Variants in PPP2R2C observed in about 807,000 individuals in gnomAD.
The protein encoded by PPP2R2C is protein phosphatase 2 regulatory subunit Bgamma.
Under a neutral mutation model 45.3 loss-of-function variants are expected in PPP2R2C, and 10 were observed. The ratio of observed to expected loss-of-function variants is 0.22; its 90% CI spans 0.14 to 0.37. The LOEUF (loss-of-function observed/expected upper bound fraction) is 0.37. PPP2R2C is among the 10% of genes least tolerant of loss of function. The probability of loss-of-function intolerance (pLI) is 1.00; values close to 1 mark genes in which losing one functional copy is unlikely to be tolerated. For synonymous variants in PPP2R2C, 257 were observed against 245.4 expected (o/e 1.05, Z -0.44); for missense variants, 308 against 619.7 (o/e 0.50, Z 5.34).
chr4:6,421,576 AC>A (rs1417964510), intron 1 of PPP2R2C, among the ~76,000 whole-genome samples: 2 of 152,160 alleles, frequency 1.3e-5, no homozygotes, highest in African/African-American at 4.8e-5. Context: ...AACGAAGCCC[AC>A]AGACCTGGCT....
intron 1 of PPP2R2C, among the ~76,000 whole-genome samples, chr4:6,468,956 C>T (rs1034440819): frequency 6.6e-6 from 1 of 151,786 alleles, no homozygotes; most frequent in Non-Finnish European, 1.5e-5. Flanking sequence ...TCTCCCCACA[C>T]CCTGACCCCA....
At chr4:6,372,807 G>T (rs1714962374) in intron 4 of PPP2R2C, 107 bp from the exon 5 acceptor site, 3 of 1,184,364 alleles carry the variant, frequency 2.5e-6, no homozygotes, top group Non-Finnish European at 3.7e-6. Flanking sequence ...CACAGGGGTG[G>T]GCGTCCATCC....
intron 1 of PPP2R2C, among the ~76,000 whole-genome samples, chr4:6,536,670 C>T (rs1261653614): frequency 3.9e-5 from 6 of 152,214 alleles, no homozygotes; most frequent in African/African-American, 1.4e-4. Flanking sequence ...CCACAGGGGA[C>T]AATTTGACAA....
rs1171684923 is a variant in PPP2R2C at position 6,345,708 on chromosome 4, G to C, written c.790+2138C>G. ...CCGTGGCACCTTCATTATGGCCAGTGAGCTGGCTGTGGGACTGCGGACTGA... is the reference window on the plus strand; with the variant it reads ...CCGTGGCACCTTCATTATGGCCAGTCAGCTGGCTGTGGGACTGCGGACTGA... On this transcript the variant is annotated intron_variant, in intron 6 of 8. Transcript: ENST00000382599. This position sits in a 1 kb window ranked among gnomAD's most constrained non-coding sequence, Gnocchi z 5.3. 6.6e-6 allele frequency among the ~76,000 whole-genome samples: 1 copy of C among 152,132 alleles called. No individual in the cohort carries two copies. Among genetic ancestry groups the C allele is most frequent in the Non-Finnish European group, 1.5e-5 (1 of 68,024 alleles).
At chr4:6,369,280 T>G (rs985519067) in intron 5 of PPP2R2C, among the ~76,000 whole-genome samples, 7 of 152,172 alleles carry the variant, frequency 4.6e-5, no homozygotes, top group Non-Finnish European at 2.9e-5. Context: ...GCCCCATGAG[T>G]GCAGACGAAG....
chr4:6,356,648 C>T (rs1019861101), intron 5 of PPP2R2C, among the ~76,000 whole-genome samples: 2 of 152,256 alleles, frequency 1.3e-5, no homozygotes, highest in Admixed American at 6.5e-5. Flanking sequence ...CCACGTGAAG[C>T]GCTGAGAACA....
intron 2 of PPP2R2C, among the ~76,000 whole-genome samples, chr4:6,525,125 C>G (rs1279798559): frequency 6.6e-6 from 1 of 152,048 alleles, no homozygotes; most frequent in Non-Finnish European, 1.5e-5. Context: ...AAAATAAAAG[C>G]TGGGCGTGGT....
At chr4:6,535,380 A>T (rs1724571598) in intron 1 of PPP2R2C, 1 of 1,502,002 alleles carries the variant, frequency 6.7e-7, no homozygotes, top group Non-Finnish European at 8.9e-7. Context: ...TTTTACTTCT[A>T]TAATCAGAAA....
intron 1 of PPP2R2C, among the ~76,000 whole-genome samples, chr4:6,406,789 T>TA (rs1011712525): frequency 2.0e-5 from 3 of 151,890 alleles, no homozygotes; most frequent in African/African-American, 7.3e-5. Context: ...TAAAATAAAA[T>TA]AAAAAACAAA....
intron 1 of PPP2R2C, among the ~76,000 whole-genome samples, chr4:6,419,888 T>A (rs896090054): frequency 6.6e-6 from 1 of 152,110 alleles, no homozygotes; most frequent in Non-Finnish European, 1.5e-5. Context: ...GTCCTCTCCT[T>A]AGAAGGACAC....
chr4:6,363,989 A>G (rs917672913), intron 5 of PPP2R2C, among the ~76,000 whole-genome samples: 9 of 152,158 alleles, frequency 5.9e-5, no homozygotes, highest in Non-Finnish European at 1.2e-4. Flanking sequence ...ACTGTATTAC[A>G]CTAGTTCCAT....
intron 2 of PPP2R2C, among the ~76,000 whole-genome samples, chr4:6,532,069 G>A (rs1724422434): frequency 6.6e-6 from 1 of 152,210 alleles, no homozygotes; most frequent in South Asian, 2.1e-4. Context: ...ACATTGTCAG[G>A]AAGGTTTAGC....
At chr4:6,407,810 T>TA (rs1402745703) in intron 1 of PPP2R2C, among the ~76,000 whole-genome samples, 1 of 152,180 alleles carries the variant, frequency 6.6e-6, no homozygotes, top group East Asian at 1.9e-4. Flanking sequence ...TCCCCAAGGA[T>TA]ACAAAGTAAA....
At chr4:6,392,332 C>G (rs1379460214) in intron 1 of PPP2R2C, among the ~76,000 whole-genome samples, 2 of 151,994 alleles carry the variant, frequency 1.3e-5, no homozygotes, top group Non-Finnish European at 2.9e-5. Flanking sequence ...AAAGCCCACT[C>G]TCGAATGGGA....
chr4:6,482,715 C>G (rs1251269598), intron 2 of PPP2R2C, among the ~76,000 whole-genome samples: 1 of 152,184 alleles, frequency 6.6e-6, no homozygotes, highest in Non-Finnish European at 1.5e-5. Flanking sequence ...TCCTTGCTGT[C>G]CTTAACCCAC....
chr4:6,414,791 G>A (rs11724359), intron 1 of PPP2R2C, among the ~76,000 whole-genome samples: 41,042 of 151,952 alleles, frequency 0.27, 5,926 homozygotes, highest in Admixed American at 0.39. Context: ...CTTCCTGGCT[G>A]TGCAACCTCA....
At chr4:6,516,662 T>C (rs1723837267) in intron 2 of PPP2R2C, among the ~76,000 whole-genome samples, 3 of 152,096 alleles carry the variant, frequency 2.0e-5, no homozygotes, top group Admixed American at 2.0e-4. Context: ...CTGCAGCGAG[T>C]TTTTCATTTA....
At chr4:6,556,482 T>C (rs1352703996) in intron 1 of PPP2R2C, among the ~76,000 whole-genome samples, 1 of 152,158 alleles carries the variant, frequency 6.6e-6, no homozygotes, top group Non-Finnish European at 1.5e-5. Flanking sequence ...CTCAGCTCCA[T>C]AACTGCCTGA....
intron 1 of PPP2R2C, chr4:6,383,501 C>T: frequency 2.7e-6 from 3 of 1,127,792 alleles, no homozygotes; most frequent in Non-Finnish European, 3.6e-6. Context: ...CACCTGCTGT[C>T]CCAAGACCTG....
Sources: gnomAD v4.1 joint callset for allele counts (sites outside exome capture counted in the v4.1 genomes callset) on GRCh38, gnomAD v4.1.1 for gene constraint, Gnocchi (gnomAD v3.1) non-coding constraint, MANE v1.5 for transcripts, NCBI Gene and HGNC (gene_info 2026-07-23, HGNC 2026-07-21) for gene names.